The following ADAM10 variants were observed in gnomAD, a reference collection of about 807,000 sequenced individuals.
ADAM10 encodes disintegrin and metalloproteinase domain-containing protein 10.
A neutral mutation model predicts 90.1 loss-of-function variants in ADAM10; 17 were observed. The observed-to-expected ratio is 0.19, with a 90% confidence interval of 0.13 to 0.28. The LOEUF (loss-of-function observed/expected upper bound fraction) is 0.28. Ranked by LOEUF, ADAM10 falls within the 10% of genes least tolerant of loss-of-function variation. The pLI, the probability that ADAM10 is intolerant of heterozygous loss-of-function variation, is 1.00. For synonymous variants in ADAM10, 310 were observed against 298.6 expected (o/e 1.04, Z -0.40); for missense variants, 610 against 914.3 (o/e 0.67, Z 4.29).
At chr15:58,655,708 ATAGTAT>A (rs1303140858) in intron 5 of ADAM10, among the ~76,000 whole-genome samples, 23 of 67,404 alleles carry the variant, frequency 3.4e-4, no homozygotes, top group African/African-American at 1.3e-3. Context: ...ATATATATAT[ATAGTAT>A]ATATATATAT....
Position 58,644,078 on chromosome 15 carries a change from C to T in ADAM10, c.736-100G>A. 3 of 864,064 alleles carry T rather than the reference C, an allele frequency of 3.5e-6. No individual in the cohort carries two copies. In the South Asian group the frequency reaches 4.3e-5, roughly 12 times the overall value. The allele number at this position is 864,064 out of a possible 1,614,324, so 53.5% of individuals were successfully genotyped here. ...ATCAGTAATTATTCATGTCCTGCCA[C>T]ATTCAAATTTTAAAATGTCAACATT... is the stretch of plus-strand genomic sequence containing the variant. On this transcript the variant is annotated intron_variant, in intron 6 of 15. Coordinates refer to ENST00000260408, the MANE Select transcript of ADAM10 (RefSeq NM_001110.4).
chr15:58,665,133 C>T lies in ADAM10; in HGVS notation c.549G>A (p.Arg183=). Reference sequence around the variant, plus strand: ...CCTCTACACCAGTCATCTGGTATTTCCTCATTCTTTCAAATACTGAATGAT... The same window carrying T: ...CCTCTACACCAGTCATCTGGTATTTTCTCATTCTTTCAAATACTGAATGAT... ...CADHSVFERM[R]KYQMTGVEEV... The change falls in exon 5 of 16, where the codon AGG becomes AGA. Residue 183 remains arginine (R), a synonymous_variant. Coordinates refer to ENST00000260408, the MANE Select transcript of ADAM10 (RefSeq NM_001110.4). 2 of 1,613,346 alleles carry T rather than the reference C, an allele frequency of 1.2e-6. No individual in the cohort carries two copies. Among genetic ancestry groups the T allele is most frequent in the Non-Finnish European group, 1.7e-6 (2 of 1,179,390 alleles).
intron 2 of ADAM10, among the ~76,000 whole-genome samples, chr15:58,689,647 C>A (rs1230150286): frequency 2.0e-5 from 3 of 151,978 alleles, no homozygotes; most frequent in Non-Finnish European, 2.9e-5. Context: ...CATTCCAGTA[C>A]TGCAGACATT....
chr15:58,713,977 T>C (rs568562091), intron 2 of ADAM10, among the ~76,000 whole-genome samples: 2 of 152,204 alleles, frequency 1.3e-5, no homozygotes, highest in East Asian at 3.9e-4. Flanking sequence ...GCTAATTGTT[T>C]GTATTTTTAG....
chr15:58,603,094 ATTTTT>A (rs553863324), intron 14 of ADAM10, among the ~76,000 whole-genome samples: 218 of 151,678 alleles, frequency 1.4e-3, no homozygotes, highest in Admixed American at 2.3e-3. Flanking sequence ...AGACTGCCAG[ATTTTT>A]TTTTAAGTTT....
chr15:58,721,481 C>G lies in ADAM10; in HGVS notation c.56-3754G>C, dbSNP rs543897820. Among the ~76,000 whole-genome samples the G allele has an allele frequency of 2.0e-4, 30 of 152,292 alleles. No homozygotes were observed. In the South Asian group the frequency reaches 5.8e-3, roughly 29 times the overall value. ...TGTATGAAATTGAATTACATAATTT[C>G]TATTCCCTAATACTTAATGAAGAGG... On this transcript the variant is annotated intron_variant, in intron 1 of 15. Coordinates refer to ENST00000260408, the MANE Select transcript of ADAM10 (RefSeq NM_001110.4).
At position 58,645,379 on chromosome 15, in the gene ADAM10, G is replaced by C. The variant is rs150361818; in HGVS notation, c.735+676C>G. On this transcript the variant is annotated intron_variant, in intron 6 of 15. Coordinates refer to ENST00000260408, the MANE Select transcript of ADAM10 (RefSeq NM_001110.4). ...AGATAGCTCCAATTTCTTCTCCTTT[G>C]GTTTCATTCTTTCCACATTCAATCT... 4.0e-3 allele frequency among the ~76,000 whole-genome samples: 606 copies of C among 152,098 alleles called. 3 individuals carry two copies. The highest frequency in any genetic ancestry group is 0.021 in the South Asian group (103 of 4,816).
At chr15:58,610,063 G>A (rs930104690) in intron 14 of ADAM10, 14 of 546,848 alleles carry the variant, frequency 2.6e-5, no homozygotes, top group Admixed American at 1.2e-4. Context: ...TAAGGAGCAC[G>A]GTAAAACAGA....
chr15:58,616,782 G>A (rs8027618), intron 11 of ADAM10, among the ~76,000 whole-genome samples: 7,587 of 152,108 alleles, frequency 0.05, 644 homozygotes, highest in African/African-American at 0.17. Flanking sequence ...ATGAAGATCA[G>A]AGCAGAAATA....
chr15:58,668,939 C>G (rs768241343), intron 4 of ADAM10, among the ~76,000 whole-genome samples: 5 of 152,140 alleles, frequency 3.3e-5, no homozygotes, highest in Admixed American at 2.0e-4. Context: ...TTGTCTAACA[C>G]TTTAAATTGT....
In ADAM10 at chr15:58,596,524, T is replaced by C. The variant is rs1167498517; in HGVS notation, c.*1023A>G. On this transcript the variant is annotated 3_prime_UTR_variant, in exon 16 of 16. Coordinates refer to ENST00000260408, the MANE Select transcript of ADAM10 (RefSeq NM_001110.4). ...TGAAAAAACCGTTTAAATATTTTGA[T>C]AAAGACACAGCTTTTCTTTTCCATA... The C allele has an allele frequency of 6.6e-6, 1 of 152,634 alleles. No individual in the cohort carries two copies. The highest frequency in any genetic ancestry group is 1.5e-5 in the Non-Finnish European group (1 of 68,024). 9.5% of individuals were successfully genotyped at this position (152,634 alleles called of 1,614,324 possible). A position where few individuals can be genotyped will look rare whatever the true frequency, so the allele number is the denominator to read the frequency against.
intron 1 of ADAM10, among the ~76,000 whole-genome samples, chr15:58,738,420 T>G (rs965229815): frequency 6.6e-6 from 1 of 152,264 alleles, no homozygotes; most frequent in Non-Finnish European, 1.5e-5. Context: ...TTTGAAAAGC[T>G]ACTTCTACAA....
At chr15:58,661,502 A>G (rs1444242946) in intron 5 of ADAM10, among the ~76,000 whole-genome samples, 14 of 152,134 alleles carry the variant, frequency 9.2e-5, no homozygotes, top group African/African-American at 2.9e-4. Context: ...TGTAATGAGA[A>G]GTCACCAGTT....
At chr15:58,685,108 T>C (rs754414474) in intron 2 of ADAM10, among the ~76,000 whole-genome samples, 2 of 139,076 alleles carry the variant, frequency 1.4e-5, no homozygotes, top group East Asian at 4.1e-4. Context: ...CTGAAAAAAA[T>C]ATATAAAATA....
intron 4 of ADAM10, chr15:58,676,090 A>C: frequency 6.9e-6 from 2 of 288,486 alleles, no homozygotes; most frequent in South Asian, 6.3e-5. Context: ...TTAAGGAGAG[A>C]GTTTGGCTTA....
intron 5 of ADAM10, among the ~76,000 whole-genome samples, chr15:58,658,481 A>G (rs968610862): frequency 6.6e-6 from 1 of 152,108 alleles, no homozygotes; most frequent in Non-Finnish European, 1.5e-5. Flanking sequence ...TCTATTCTAG[A>G]TCTTTTACCT....
intron 1 of ADAM10, among the ~76,000 whole-genome samples, chr15:58,718,072 G>A (rs2140816853): frequency 6.6e-6 from 1 of 152,032 alleles, no homozygotes; most frequent in South Asian, 2.1e-4. Flanking sequence ...TGAGATGGAA[G>A]GACTGCTTGA....
Position 58,729,130 on chromosome 15 carries a change from G to C in ADAM10, c.56-11403C>G, listed in dbSNP as rs112138161. Among the ~76,000 whole-genome samples the C allele has an allele frequency of 3.3e-3, 507 of 152,156 alleles. 5 individuals are homozygous for C. Among genetic ancestry groups the C allele is most frequent in the African/African-American group, 0.012 (486 of 41,502 alleles). On this transcript the variant is annotated intron_variant, in intron 1 of 15. Coordinates refer to ENST00000260408, the MANE Select transcript of ADAM10 (RefSeq NM_001110.4). ...CCCAGCACTTTGGGAGGCTAAGGCA[G>C]AAGAACTGCTTGAGCCCAGGAGTTT...
chr15:58,647,744 G>A (rs1198787990), intron 5 of ADAM10, among the ~76,000 whole-genome samples: 1 of 152,060 alleles, frequency 6.6e-6, no homozygotes, highest in Non-Finnish European at 1.5e-5. Context: ...TAGAGACGGA[G>A]GTCTTCCTAT....
Sources: gnomAD v4.1 joint callset for allele counts (sites outside exome capture counted in the v4.1 genomes callset) on GRCh38, gnomAD v4.1.1 for gene constraint, MANE v1.5 for transcripts, NCBI Gene and HGNC (gene_info 2026-07-23, HGNC 2026-07-21) for gene names.